LEPR: variants seen among roughly 807,000 people sequenced by gnomAD.
LEPR encodes leptin receptor, also known as OB receptor.
A neutral mutation model predicts 114.7 loss-of-function variants in LEPR; 56 were observed. That is an observed-to-expected ratio of 0.49 (90% CI 0.39 to 0.61). LEPR has a LOEUF of 0.61. Among genes scored for constraint, LEPR ranks in the 20% least tolerant of loss-of-function variants. The pLI is 0.00. For synonymous variants in LEPR, 443 were observed against 461.4 expected, an observed-to-expected ratio of 0.96 and a Z score of 0.51; for missense variants, 1,202 against 1,352.9, an observed-to-expected ratio of 0.89 and a Z score of 1.75.
intron 2 of LEPR, among the ~76,000 whole-genome samples, chr1:65,492,931 G>A (rs530738907): frequency 2.6e-5 from 4 of 151,764 alleles, no homozygotes; most frequent in African/African-American, 9.7e-5. Flanking sequence ...AATCTGTGCC[G>A]CGGTGGTTTG....
At chr1:65,472,105 A>T (rs1482760275) in intron 2 of LEPR, among the ~76,000 whole-genome samples, 1 of 152,186 alleles carries the variant, frequency 6.6e-6, no homozygotes, top group African/African-American at 2.4e-5. Context: ...AATAAATACT[A>T]TGAAATTTGG....
At chr1:65,422,906 C>T (rs1646280854) in intron 1 of LEPR, among the ~76,000 whole-genome samples, 1 of 152,042 alleles carries the variant, frequency 6.6e-6, no homozygotes, top group Non-Finnish European at 1.5e-5. Context: ...AGATCACTGT[C>T]TGCTGTGTAG....
intron 2 of LEPR, among the ~76,000 whole-genome samples, chr1:65,503,243 G>A: frequency 6.6e-6 from 1 of 152,094 alleles, no homozygotes; most frequent in East Asian, 1.9e-4. Flanking sequence ...GGTACTCAAC[G>A]CCATGCATTT....
intron 11 of LEPR, among the ~76,000 whole-genome samples, chr1:65,607,697 T>C (rs1271999342): frequency 2.6e-5 from 4 of 152,190 alleles, no homozygotes; most frequent in Admixed American, 2.6e-4. Context: ...TGCTTGGGCT[T>C]TCAGGCTTTT....
chr1:65,521,399 T>C (rs1185624329), intron 2 of LEPR, among the ~76,000 whole-genome samples: 1 of 152,120 alleles, frequency 6.6e-6, no homozygotes, highest in East Asian at 1.9e-4. Context: ...TCTAGGATAA[T>C]CTCTTGCATG....
chr1:65,574,449 A>AG (rs910814477), intron 5 of LEPR, among the ~76,000 whole-genome samples: 18 of 152,146 alleles, frequency 1.2e-4, no homozygotes, highest in Non-Finnish European at 2.4e-4. Flanking sequence ...ATAAAAAATT[A>AG]GGGGGGGTGG....
chr1:65,425,831 A>G (rs369360153), intron 2 of LEPR, among the ~76,000 whole-genome samples: 41 of 152,318 alleles, frequency 2.7e-4, no homozygotes, highest in African/African-American at 9.1e-4. Context: ...AGGTGGATGA[A>G]TAAGAGTTTT....
At chr1:65,488,707 TTCTA>T (rs909150554) in intron 2 of LEPR, among the ~76,000 whole-genome samples, 12 of 152,158 alleles carry the variant, frequency 7.9e-5, no homozygotes, top group East Asian at 1.9e-4. Context: ...ATCTTATTCA[TTCTA>T]TCTAAGTTTA....
chr1:65,583,187 C>G (rs1655105129), intron 5 of LEPR, among the ~76,000 whole-genome samples: 1 of 152,174 alleles, frequency 6.6e-6, no homozygotes, highest in Admixed American at 6.5e-5. Flanking sequence ...CTGAGGAACT[C>G]AAGCTGAGCC....
intron 2 of LEPR, among the ~76,000 whole-genome samples, chr1:65,477,013 A>G (rs1453412698): frequency 6.6e-6 from 1 of 152,248 alleles, no homozygotes; most frequent in East Asian, 1.9e-4. Context: ...AACACAGTAC[A>G]GAAAATTGCC....
chr1:65,625,391 C>A, intron 19 of LEPR, among the ~76,000 whole-genome samples: 1 of 152,028 alleles, frequency 6.6e-6, no homozygotes, highest in East Asian at 1.9e-4. Context: ...CTATAGTATG[C>A]CCTGGCATTA....
intron 5 of LEPR, among the ~76,000 whole-genome samples, chr1:65,583,722 T>G (rs1406337359): frequency 6.6e-6 from 1 of 151,874 alleles, no homozygotes; most frequent in Admixed American, 6.6e-5. Flanking sequence ...ACATGCTAGA[T>G]ATATGAAAAG....
At chr1:65,475,444 A>C (rs1439433015) in intron 2 of LEPR, among the ~76,000 whole-genome samples, 1 of 152,186 alleles carries the variant, frequency 6.6e-6, no homozygotes, top group African/African-American at 2.4e-5. Context: ...AGCAGAGCCA[A>C]CACAAAGCTA....
At chr1:65,469,856 A>AC (rs1409833940) in intron 2 of LEPR, among the ~76,000 whole-genome samples, 1 of 152,078 alleles carries the variant, frequency 6.6e-6, no homozygotes, top group Non-Finnish European at 1.5e-5. Context: ...GTGCCTCTTG[A>AC]CCCTCCAAGG....
chr1:65,613,701 C>T (rs1657329014), intron 14 of LEPR, among the ~76,000 whole-genome samples: 1 of 80,084 alleles, frequency 1.2e-5, no homozygotes, highest in African/African-American at 4.5e-5. Context: ...TGCAGTGAGC[C>T]GAGATTGCGC....
chr1:65,535,719 T>C (rs1171261), intron 2 of LEPR, among the ~76,000 whole-genome samples: 110,475 of 151,998 alleles, frequency 0.73, 41,256 homozygotes, highest in Middle Eastern at 0.9. Context: ...GTAATTTAGG[T>C]AAGTGGCTTC....
chr1:65,456,750 A>G (rs947750300), intron 2 of LEPR, among the ~76,000 whole-genome samples: 1 of 152,164 alleles, frequency 6.6e-6, no homozygotes, highest in African/African-American at 2.4e-5. Context: ...TGGTTTCTTC[A>G]TCCACTCCAA....
chr1:65,507,361 C>T (rs1218698085), intron 2 of LEPR, among the ~76,000 whole-genome samples: 2 of 151,704 alleles, frequency 1.3e-5, no homozygotes, highest in African/African-American at 4.8e-5. Flanking sequence ...GCTTATTTCA[C>T]TTAACATAAT....
At chr1:65,448,387 G>A (rs1646738960) in intron 2 of LEPR, among the ~76,000 whole-genome samples, 1 of 152,240 alleles carries the variant, frequency 6.6e-6, no homozygotes, top group South Asian at 2.1e-4. Context: ...TGCTCATGGT[G>A]TATAATTCTT....
Sources: allele counts gnomAD v4.1 joint callset (sites outside exome capture counted in the v4.1 genomes callset), GRCh38; gene constraint gnomAD v4.1.1; transcripts MANE v1.5; gene names NCBI Gene and HGNC (gene_info 2026-07-23, HGNC 2026-07-21).